The following D2HGDH variants were observed in gnomAD, a reference collection of about 807,000 sequenced individuals.
D2HGDH encodes D-2-hydroxyglutarate dehydrogenase.
D2HGDH carries 31 observed loss-of-function variants against 46.9 expected under a neutral mutation model. The observed-to-expected ratio is 0.66, with a 90% CI of 0.50 to 0.89. D2HGDH has a LOEUF of 0.89. Among genes scored for constraint, D2HGDH ranks in the 40% least tolerant of loss-of-function variants. The pLI is 0.00. For missense variants in D2HGDH, 698 were observed against 720.8 expected, an observed-to-expected ratio of 0.97 and a Z score of 0.36; for synonymous variants, 364 against 332.6, an observed-to-expected ratio of 1.09 and a Z score of -1.03.
rs192810648 is a variant in D2HGDH at position 241,755,239 on chromosome 2, C to T, written c.1141-610C>T. 73 of 1,138,096 alleles carry T rather than the reference C, an allele frequency of 6.4e-5. 1 individual carries two copies. The highest frequency in any genetic ancestry group is 2.0e-4 in the South Asian group (14 of 70,182). The allele number at this position is 1,138,096 out of a possible 1,614,324, so 70.5% of individuals were successfully genotyped here. On this transcript the variant is annotated intron_variant, in intron 8 of 9. Coordinates refer to ENST00000321264, the MANE Select transcript of D2HGDH (RefSeq NM_152783.5). ...CCGCCCACCGTGTCCTTCCCTCCCC[C>T]GTGGCCCACCCACCATGTCCTTCCC...
rs764487647 is a variant in D2HGDH, at chr2:241,750,264, C to G, written c.967C>G (p.Arg323Gly). The G allele has an allele frequency of 6.2e-7, 1 of 1,613,746 alleles. No individual in the cohort carries two copies. The highest frequency in any genetic ancestry group is 8.5e-7 in the Non-Finnish European group (1 of 1,180,032). Residue 323 changes from arginine (R) to glycine (G), a missense_variant, in exon 7 of 10, where the codon CGC becomes GGC. By Grantham distance (125) the Arg-to-Gly change is moderately radical. Transcript: ENST00000321264. ...MDAVCMQLVG[R>G]HLHLASPVQE... ...TGCTGTGTGCATGCAGCTGGTCGGG[C>G]GCCATCTCCACCTGGCCAGCCCGGT...
rs778836359 is a variant in D2HGDH, at chr2:241,744,079, G to T, written c.684+264G>T. ...AGAGGATGCAGTTACAGGGGACACC[G>T]CCCCGGCAGTGGTGGGCTTCTGGGA... On this transcript the variant is annotated intron_variant, in intron 5 of 9. Transcript: ENST00000321264. Among the ~76,000 whole-genome samples the T allele has an allele frequency of 1.6e-4, 25 of 152,284 alleles. 1 individual carries two copies. The highest frequency in any genetic ancestry group is 1.4e-3 in the Admixed American group (22 of 15,306).
intron 8 of D2HGDH, chr2:241,755,052 C>T (rs1311306920): frequency 3.3e-5 from 43 of 1,301,220 alleles, no homozygotes; most frequent in Non-Finnish European, 4.4e-5. Context: ...CAGATCTCCA[C>T]AATGGAAGTT....
intron 2 of D2HGDH, among the ~76,000 whole-genome samples, chr2:241,740,167 G>A (rs1694053238): frequency 6.6e-6 from 1 of 152,146 alleles, no homozygotes. Flanking sequence ...AGGAAGTGTA[G>A]GTGGACAGAT....
At chr2:241,762,316 C>T (rs996935355) in intron 9 of D2HGDH, among the ~76,000 whole-genome samples, 5 of 152,236 alleles carry the variant, frequency 3.3e-5, no homozygotes, top group African/African-American at 1.2e-4. Flanking sequence ...GTGATCCACC[C>T]GCCTCAGTCT....
At chr2:241,748,086 C>T (rs1171852827) in intron 6 of D2HGDH, among the ~76,000 whole-genome samples, 2 of 151,988 alleles carry the variant, frequency 1.3e-5, no homozygotes, top group Admixed American at 1.3e-4. Flanking sequence ...GCCCCCAGGT[C>T]AGGCTCTTCC....
rs766400021 is a variant in D2HGDH, at chr2:241,755,783, T to C, written c.1141-66T>C. On this transcript the variant is annotated intron_variant, in intron 8 of 9. Coordinates refer to ENST00000321264, the MANE Select transcript of D2HGDH (RefSeq NM_152783.5). Reference sequence around the variant, plus strand: ...ATGCTGCTGCCCTAACCCCGTGTGGTGTGCCCCCTGTCCCCGGGTGTCGTT... The same window carrying C: ...ATGCTGCTGCCCTAACCCCGTGTGGCGTGCCCCCTGTCCCCGGGTGTCGTT... 1.9e-6 allele frequency: 3 copies of C among 1,611,580 alleles called. No homozygotes were observed. In the East Asian group the frequency reaches 6.7e-5, roughly 36 times the overall value.
At chr2:241,739,367 A>C (rs183709051) in intron 2 of D2HGDH, among the ~76,000 whole-genome samples, 1 of 152,356 alleles carries the variant, frequency 6.6e-6, no homozygotes, top group East Asian at 1.9e-4. Context: ...CACTCGGGAC[A>C]GGGACGCAGT....
intron 7 of D2HGDH, 47 bp downstream of exon 7, chr2:241,750,341 G>C (rs777464269): frequency 7.4e-7 from 1 of 1,358,754 alleles, no homozygotes; most frequent in Non-Finnish European, 9.8e-7. Flanking sequence ...AGCTCCTTCT[G>C]CACGTCTGGA....
intron 9 of D2HGDH, among the ~76,000 whole-genome samples, chr2:241,764,789 G>T (rs1430522982): frequency 1.3e-5 from 2 of 152,210 alleles, no homozygotes; most frequent in African/African-American, 4.8e-5. Flanking sequence ...GTTAAAAGCC[G>T]CTGTCCTTGT....
In D2HGDH at chr2:241,768,057, G is replaced by A. The variant is rs975505938; in HGVS notation, c.*88G>A. 1.4e-4 allele frequency: 206 copies of A among 1,472,596 alleles called. No homozygotes were observed. The highest frequency in any genetic ancestry group is 1.7e-4 in the Non-Finnish European group (191 of 1,107,654). The allele number at this position is 1,472,596 out of a possible 1,614,324, so 91.2% of individuals were successfully genotyped here. On this transcript the variant is annotated 3_prime_UTR_variant, in exon 10 of 10. Transcript: ENST00000321264. Reference sequence around the variant, plus strand: ...TTGCGGTGGCTCTGAGGGATGAGCCGGCAGTGGGCAGGGGACCAGGCACCT... The same window carrying A: ...TTGCGGTGGCTCTGAGGGATGAGCCAGCAGTGGGCAGGGGACCAGGCACCT...
At chr2:241,738,468 G>A (rs1294286334) in intron 2 of D2HGDH, among the ~76,000 whole-genome samples, 1 of 152,206 alleles carries the variant, frequency 6.6e-6, no homozygotes, top group African/African-American at 2.4e-5. Context: ...TTGGGTTCCC[G>A]TGCTCCCAGC....
chr2:241,739,779 C>G (rs1029320374), intron 2 of D2HGDH, among the ~76,000 whole-genome samples: 1 of 152,240 alleles, frequency 6.6e-6, no homozygotes, highest in African/African-American at 2.4e-5. Context: ...AGCCGAGAGC[C>G]CACATCACTG....
chr2:241,740,883 T>C, intron 2 of D2HGDH, 150 bp from the exon 3 acceptor site: 1 of 685,684 alleles, frequency 1.5e-6, no homozygotes, highest in Admixed American at 2.1e-5. Flanking sequence ...AGGGAGAGGT[T>C]GCAGTGAGCC....
At chr2:241,745,122 A>C (rs1016514021) in intron 6 of D2HGDH, among the ~76,000 whole-genome samples, 4 of 152,196 alleles carry the variant, frequency 2.6e-5, no homozygotes, top group African/African-American at 9.6e-5. Context: ...ACTTCATTTC[A>C]TAAGAAAACA....
Position 241,743,797 on chromosome 2 carries a change from T to C in D2HGDH, c.666T>C (p.Thr222=). The C allele has an allele frequency of 6.2e-7, 1 of 1,604,644 alleles. No homozygotes were observed. The highest frequency in any genetic ancestry group is 8.5e-7 in the Non-Finnish European group (1 of 1,176,098). ...TTCGATATGGCTCACTGCATGGGAC[T>C]GTCCTGGGCCTGGAAGTGGTGAGCT... ...RFLRYGSLHG[T]VLGLEVVLAD... The change falls in exon 5 of 10, where the codon ACT becomes ACC. Residue 222 remains threonine (T), a synonymous_variant. Coordinates refer to ENST00000321264, the MANE Select transcript of D2HGDH (RefSeq NM_152783.5). The surrounding 1 kb of genome is among the most constrained non-coding windows in gnomAD (Gnocchi z 4.8).
chr2:241,742,142 AC>A lies in D2HGDH; in HGVS notation c.351-292del, dbSNP rs1391600875. ...TGGACCCTCTGTGAGCATGGTGTGAACGGGAAGGATGGGAGCCGGGCGTGTA... is the reference window on the plus strand; with the variant it reads ...TGGACCCTCTGTGAGCATGGTGTGAAGGGAAGGATGGGAGCCGGGCGTGTA... On this transcript the variant is annotated intron_variant, in intron 3 of 9. Coordinates refer to ENST00000321264, the MANE Select transcript of D2HGDH (RefSeq NM_152783.5). This position sits in a 1 kb window ranked among gnomAD's most constrained non-coding sequence, Gnocchi z 4.8. 6.6e-6 allele frequency among the ~76,000 whole-genome samples: 1 copy of A among 152,074 alleles called. No individual in the cohort carries two copies. Among genetic ancestry groups the A allele is most frequent in the African/African-American group, 2.4e-5 (1 of 41,378 alleles).
intron 9 of D2HGDH, among the ~76,000 whole-genome samples, chr2:241,762,885 C>T (rs1206618305): frequency 2.6e-5 from 4 of 152,276 alleles, no homozygotes; most frequent in South Asian, 2.1e-4. Context: ...GAAATGACAG[C>T]GTCTGAGGTG....
At position 241,767,907 on chromosome 2, in the gene D2HGDH, A is replaced by G. The variant is rs1224100129; in HGVS notation, c.1504A>G (p.Lys502Glu). ...PGALQLMQQL[K>E]ALLDPKGILN... Reference sequence around the variant, plus strand: ...GGCCCTGCAGCTCATGCAGCAGCTCAAGGCCCTGCTGGACCCCAAGGGCAT... The same window carrying G: ...GGCCCTGCAGCTCATGCAGCAGCTCGAGGCCCTGCTGGACCCCAAGGGCAT... The change falls in exon 10 of 10, where the codon AAG (lysine) becomes GAG (glutamate). Residue 502 changes from lysine (K) to glutamate (E), a missense_variant. Coordinates refer to ENST00000321264, the MANE Select transcript of D2HGDH (RefSeq NM_152783.5). 1 of 1,603,942 alleles carries G rather than the reference A, an allele frequency of 6.2e-7. No individual in the cohort carries two copies.
Sources: gnomAD v4.1 joint callset for allele counts (sites outside exome capture counted in the v4.1 genomes callset) on GRCh38, gnomAD v4.1.1 for gene constraint, Gnocchi (gnomAD v3.1) non-coding constraint, MANE v1.5 for transcripts, NCBI Gene and HGNC (gene_info 2026-07-23, HGNC 2026-07-21) for gene names.